The following ATP2B2 variants were observed in gnomAD, a reference collection of about 807,000 sequenced individuals.
ATP2B2 encodes the protein plasma membrane calcium-transporting ATPase 2.
ATP2B2 carries 15 observed loss-of-function variants against 120.0 expected under a neutral mutation model. That is an observed-to-expected ratio of 0.12 (90% CI 0.08 to 0.19). The LOEUF is 0.19. Among genes scored for constraint, ATP2B2 ranks in the 10% least tolerant of loss-of-function variants. ATP2B2 has a pLI of 1.00. For missense variants in ATP2B2, 1,045 were observed against 1,719.8 expected, an observed-to-expected ratio of 0.61 and a Z score of 6.94; for synonymous variants, 694 against 700.3, an observed-to-expected ratio of 0.99 and a Z score of 0.14.
At chr3:10,378,162 G>T in intron 10 of ATP2B2, 90 bp downstream of exon 10, 1 of 1,518,256 alleles carries the variant, frequency 6.6e-7, no homozygotes, top group South Asian at 1.2e-5. Context: ...CCACTTTGCA[G>T]ATGAGGTAAC....
chr3:10,600,179 C>T (rs1411959957), intron 2 of ATP2B2, among the ~76,000 whole-genome samples: 1 of 152,232 alleles, frequency 6.6e-6, no homozygotes, highest in African/African-American at 2.4e-5. Flanking sequence ...CCTGCTGGGC[C>T]TGTGTAAAAT....
At chr3:10,450,694 A>G (rs1391465104) in intron 1 of ATP2B2, among the ~76,000 whole-genome samples, 2 of 152,086 alleles carry the variant, frequency 1.3e-5, no homozygotes, top group Non-Finnish European at 2.9e-5. Context: ...GTCCCTATGG[A>G]CCAGCACCAG....
rs73014694 is a variant in ATP2B2 at position 10,385,333 on chromosome 3, G to C, written c.941-6C>G. The C allele has an allele frequency of 0.017, 27,351 of 1,612,608 alleles. 289 individuals are homozygous for C. The highest frequency in any genetic ancestry group is 0.021 in the Non-Finnish European group (24,464 of 1,179,218). ...AGCTGCCGCACCGTCTGCTGCTGCA[G>C]GGGGGTGGGAGGGATGGAAAATGCA... On this transcript the variant is annotated splice_polypyrimidine_tract_variant and splice_region_variant and intron_variant, in intron 7 of 22. Transcript: ENST00000360273.
At chr3:10,345,857 T>A (rs2060415916) in intron 17 of ATP2B2, among the ~76,000 whole-genome samples, 174 bp downstream of exon 17, 1 of 152,182 alleles carries the variant, frequency 6.6e-6, no homozygotes, top group Non-Finnish European at 1.5e-5. Context: ...AGAAGCATCC[T>A]ATGCCTTTCC....
chr3:10,633,507 T>C (rs912689354), intron 1 of ATP2B2, among the ~76,000 whole-genome samples: 1 of 152,210 alleles, frequency 6.6e-6, no homozygotes, highest in Non-Finnish European at 1.5e-5. Flanking sequence ...AGGGCATCTA[T>C]TAGTCACTAA....
At chr3:10,432,466 C>T (rs1381245451) in intron 2 of ATP2B2, among the ~76,000 whole-genome samples, 3 of 152,252 alleles carry the variant, frequency 2.0e-5, no homozygotes, top group Admixed American at 2.0e-4. Flanking sequence ...ATCAAACAGT[C>T]AGCAGTTCCA....
chr3:10,474,940 T>C (rs2065148754), intron 1 of ATP2B2, among the ~76,000 whole-genome samples: 1 of 152,254 alleles, frequency 6.6e-6, no homozygotes, highest in Non-Finnish European at 1.5e-5. Flanking sequence ...CCATGGCTCA[T>C]GGTGAACCCT....
At chr3:10,675,033 G>T (rs895427639) in intron 1 of ATP2B2, among the ~76,000 whole-genome samples, 1 of 152,120 alleles carries the variant, frequency 6.6e-6, no homozygotes, top group Non-Finnish European at 1.5e-5. Flanking sequence ...GGGGAATTCC[G>T]TTACTTTGGA....
At chr3:10,700,963 G>C (rs942260343) in intron 1 of ATP2B2, among the ~76,000 whole-genome samples, 2 of 152,208 alleles carry the variant, frequency 1.3e-5, no homozygotes, top group African/African-American at 4.8e-5. Flanking sequence ...AAGCTCATTG[G>C]CCAAAGTAAG....
At chr3:10,702,534 T>C (rs774989181) in intron 1 of ATP2B2, among the ~76,000 whole-genome samples, 2 of 152,020 alleles carry the variant, frequency 1.3e-5, no homozygotes, top group East Asian at 3.9e-4. Context: ...GGCAGAATGG[T>C]ATAGAGAGGA....
intron 2 of ATP2B2, among the ~76,000 whole-genome samples, chr3:10,584,560 G>A (rs2068463954): frequency 6.6e-6 from 1 of 152,134 alleles, no homozygotes; most frequent in South Asian, 2.1e-4. Context: ...AATGTCCACA[G>A]AGCTGAGCTG....
chr3:10,683,345 C>T (rs12487791), intron 1 of ATP2B2, among the ~76,000 whole-genome samples: 110,296 of 151,384 alleles, frequency 0.73, 40,184 homozygotes, highest in Non-Finnish European at 0.75. Flanking sequence ...GGGAAGATAC[C>T]GCTAATTAAT....
At chr3:10,331,292 C>G (rs1320816412) in intron 22 of ATP2B2, among the ~76,000 whole-genome samples, 2 of 152,198 alleles carry the variant, frequency 1.3e-5, no homozygotes, top group Non-Finnish European at 2.9e-5. Flanking sequence ...TAACTGAAAA[C>G]AAAGAAGGCG....
At chr3:10,565,299 A>C (rs370266624) in intron 2 of ATP2B2, among the ~76,000 whole-genome samples, 47 of 152,272 alleles carry the variant, frequency 3.1e-4, no homozygotes, top group Admixed American at 1.2e-3. Context: ...TAACTAATAC[A>C]TTCTATGAAG....
chr3:10,582,202 G>A (rs1051837989), intron 2 of ATP2B2, among the ~76,000 whole-genome samples: 1 of 152,166 alleles, frequency 6.6e-6, no homozygotes, highest in South Asian at 2.1e-4. Context: ...TTGTTTCTTG[G>A]GGGGACCGGG....
chr3:10,686,043 C>CTTTTTTTTTTTTTTTTTTTTT (rs34073958), intron 1 of ATP2B2, among the ~76,000 whole-genome samples: 18 of 93,214 alleles, frequency 1.9e-4, no homozygotes, highest in African/African-American at 7.0e-4. Flanking sequence ...TTCCTCCTTT[C>CTTTTTTTTTTTTTTTTTTTTT]TTTTTTTTTT....
intron 12 of ATP2B2, among the ~76,000 whole-genome samples, chr3:10,363,220 G>GAATCAGGGACCCTCCCCTTTTCTCTTCT (rs1423595271): frequency 2.6e-4 from 39 of 152,342 alleles, no homozygotes; most frequent in Admixed American, 7.2e-4. Flanking sequence ...GCATTACTAA[G>GAATCAGGGACCCTCCCCTTTTCTCTTCT]AATCAGGGAC....
At chr3:10,510,560 C>G (rs1004130827), upstream of ATP2B2, among the ~76,000 whole-genome samples, 26 of 152,216 alleles carry the variant, frequency 1.7e-4, no homozygotes, top group African/African-American at 5.8e-4. Flanking sequence ...ACCTTAGCCC[C>G]GTGAGGGTCC....
intron 1 of ATP2B2, among the ~76,000 whole-genome samples, chr3:10,644,678 A>G (rs1010033156): frequency 1.3e-5 from 2 of 152,242 alleles, no homozygotes; most frequent in African/African-American, 4.8e-5. Flanking sequence ...ATTTATATGC[A>G]ATGTCTAGAA....
Sources: allele counts gnomAD v4.1 joint callset (sites outside exome capture counted in the v4.1 genomes callset), GRCh38; gene constraint gnomAD v4.1.1; transcripts MANE v1.5; gene names NCBI Gene and HGNC (gene_info 2026-07-23, HGNC 2026-07-21).